The following EXOC6B variants were observed in gnomAD, a reference collection of about 807,000 sequenced individuals.
EXOC6B encodes the protein exocyst complex component 6B, also known as SEC15 homolog B.
Under a neutral mutation model 113.5 loss-of-function variants are expected in EXOC6B, and 54 were observed. The observed-to-expected ratio is 0.48, with a 90% confidence interval of 0.38 to 0.60. EXOC6B has a LOEUF of 0.60. EXOC6B is among the 20% of genes least tolerant of loss of function. The pLI is 0.00. For missense variants in EXOC6B, 797 were observed against 977.5 expected (o/e 0.82, Z 2.46); for synonymous variants, 357 against 339.0 (o/e 1.05, Z -0.58).
chr2:72,496,948 C>CATTATTATTATT (rs57708306), intron 13 of EXOC6B, among the ~76,000 whole-genome samples: 83 of 137,836 alleles, frequency 6.0e-4, no homozygotes, highest in East Asian at 4.3e-3. Flanking sequence ...TATAAATGTA[C>CATTATTATTATT]ATTATTATTA....
chr2:72,679,153 A>G (rs930650301), intron 6 of EXOC6B, among the ~76,000 whole-genome samples: 5 of 151,020 alleles, frequency 3.3e-5, no homozygotes, highest in East Asian at 3.9e-4. Flanking sequence ...TGCAACCTCT[A>G]CCTCCTGGGT....
chr2:72,382,617 C>G (rs971441046), intron 18 of EXOC6B, among the ~76,000 whole-genome samples: 3 of 152,140 alleles, frequency 2.0e-5, no homozygotes, highest in Non-Finnish European at 4.4e-5. Flanking sequence ...TTGCTTTGAG[C>G]AGTATCGCCA....
At position 72,825,698 on chromosome 2, in the gene EXOC6B, C is replaced by G; in HGVS notation, c.113+100G>C. ...GCAGGGTCTCTCCGAAGGGAGGGGC[C>G]GGCGCCGGACCTGGGGACAGCCGGC... is the stretch of plus-strand genomic sequence containing the variant. On this transcript the variant is annotated intron_variant, in intron 1 of 21. Transcript: ENST00000272427. This position sits in a 1 kb window ranked among gnomAD's most constrained non-coding sequence, Gnocchi z 4.4. 2 of 1,344,216 alleles carry G rather than the reference C, an allele frequency of 1.5e-6. No homozygotes were observed. The highest frequency in any genetic ancestry group is 9.7e-7 in the Non-Finnish European group (1 of 1,028,792). 83.3% of individuals were successfully genotyped at this position (1,344,216 alleles called of 1,614,324 possible). A position where few individuals can be genotyped will look rare whatever the true frequency, so the allele number is the denominator to read the frequency against.
intron 16 of EXOC6B, among the ~76,000 whole-genome samples, chr2:72,483,833 G>T (rs1699255797): frequency 6.6e-6 from 1 of 152,158 alleles, no homozygotes. Context: ...GAGCTCCCTT[G>T]ATGATATTTT....
chr2:72,730,490 C>A (rs532903551), intron 5 of EXOC6B, among the ~76,000 whole-genome samples: 12 of 152,046 alleles, frequency 7.9e-5, no homozygotes, highest in Non-Finnish European at 1.6e-4. Context: ...GACTACACTG[C>A]AGCTTTTGCT....
At chr2:72,633,698 G>C (rs865969794) in intron 6 of EXOC6B, among the ~76,000 whole-genome samples, 1 of 152,142 alleles carries the variant, frequency 6.6e-6, no homozygotes, top group Non-Finnish European at 1.5e-5. Context: ...CAGTACCATG[G>C]AGCTGACTCA....
intron 20 of EXOC6B, among the ~76,000 whole-genome samples, chr2:72,213,285 C>G (rs1404275672): frequency 6.6e-6 from 1 of 152,192 alleles, no homozygotes. Context: ...GTAAAACTGC[C>G]TAGCTGAGCC....
intron 6 of EXOC6B, among the ~76,000 whole-genome samples, chr2:72,658,299 A>AAAAAAAAAAAAAAAAAT (rs1674756964): frequency 6.7e-6 from 1 of 148,778 alleles, no homozygotes; most frequent in African/African-American, 2.4e-5. Context: ...AAAAAAAAAA[A>AAAAAAAAAAAAAAAAAT]AAAAAAAAAA....
At chr2:72,349,352 A>C (rs1186718105) in intron 19 of EXOC6B, among the ~76,000 whole-genome samples, 1 of 152,090 alleles carries the variant, frequency 6.6e-6, no homozygotes, top group Non-Finnish European at 1.5e-5. Flanking sequence ...AGTTTATGTT[A>C]ATGAGGTAAC....
intron 18 of EXOC6B, among the ~76,000 whole-genome samples, chr2:72,407,189 C>G (rs1693837928): frequency 6.6e-6 from 1 of 152,078 alleles, no homozygotes; most frequent in African/African-American, 2.4e-5. Flanking sequence ...TCTGAATAGA[C>G]CAATAACAGG....
At chr2:72,300,125 C>T (rs1029907968) in intron 20 of EXOC6B, among the ~76,000 whole-genome samples, 1 of 152,162 alleles carries the variant, frequency 6.6e-6, no homozygotes, top group Non-Finnish European at 1.5e-5. Context: ...TGCCCACAGG[C>T]GCCCCTTCTC....
intron 7 of EXOC6B, among the ~76,000 whole-genome samples, chr2:72,568,389 T>C (rs1006729730): frequency 6.6e-6 from 1 of 152,046 alleles, no homozygotes; most frequent in South Asian, 2.1e-4. Flanking sequence ...TGAAATTTCC[T>C]GATGTAATCA....
intron 20 of EXOC6B, among the ~76,000 whole-genome samples, chr2:72,300,848 G>C (rs921065839): frequency 6.6e-6 from 1 of 152,040 alleles, no homozygotes; most frequent in Non-Finnish European, 1.5e-5. Context: ...ATTACCCTCC[G>C]TGGGCTGCAT....
intron 1 of EXOC6B, among the ~76,000 whole-genome samples, chr2:72,762,237 C>T (rs1355202207): frequency 1.9e-4 from 27 of 140,284 alleles, no homozygotes; most frequent in Admixed American, 1.3e-3. Context: ...AGTGAGACTC[C>T]GTCTCAAAAA....
At chr2:72,440,207 TTG>T (rs1416196179) in intron 18 of EXOC6B, among the ~76,000 whole-genome samples, 3 of 152,134 alleles carry the variant, frequency 2.0e-5, no homozygotes. Context: ...CATAGAGGAA[TTG>T]TGCTGTGCTG....
rs189763580 is a variant in EXOC6B at position 72,215,674 on chromosome 2, C to T, written c.2197-31487G>A. Among the ~76,000 whole-genome samples the T allele has an allele frequency of 2.6e-3, 396 of 152,136 alleles. 1 individual carries two copies. The highest frequency in any genetic ancestry group is 9.3e-3 in the African/African-American group (384 of 41,512). On this transcript the variant is annotated intron_variant, in intron 20 of 21. Coordinates refer to ENST00000272427, the MANE Select transcript of EXOC6B (RefSeq NM_015189.3). ...ATTGTTAACAACTAAAAGCTGAGCG[C>T]GTACCATGAGTACAGAACCTTTGGG...
intron 6 of EXOC6B, among the ~76,000 whole-genome samples, chr2:72,653,917 G>A (rs1384933134): frequency 6.6e-6 from 1 of 151,830 alleles, no homozygotes; most frequent in African/African-American, 2.4e-5. Flanking sequence ...AAGTACACTG[G>A]TTTGGAATAA....
At chr2:72,390,615 C>T (rs186730313) in intron 18 of EXOC6B, among the ~76,000 whole-genome samples, 9 of 152,262 alleles carry the variant, frequency 5.9e-5, no homozygotes, top group Non-Finnish European at 1.5e-5. Flanking sequence ...CTGGTATGCA[C>T]TTTTATGCAG....
rs561654367 is a variant in EXOC6B at position 72,729,531 on chromosome 2, C to A, written c.464+1476G>T. Among the ~76,000 whole-genome samples the A allele has an allele frequency of 1.5e-3, 224 of 151,420 alleles. 1 individual carries two copies. Among genetic ancestry groups the A allele is most frequent in the South Asian group, 2.5e-3 (12 of 4,798 alleles). On this transcript the variant is annotated intron_variant, in intron 5 of 21. Transcript: ENST00000272427. ...ATTCGAGCTATCATGTGAGCCAATT[C>A]TCATGCCTTGGCCTCCCAAGTACCT...
Sources: allele counts gnomAD v4.1 joint callset (sites outside exome capture counted in the v4.1 genomes callset), GRCh38; gene constraint gnomAD v4.1.1; non-coding constraint Gnocchi (gnomAD v3.1); transcripts MANE v1.5; gene names NCBI Gene and HGNC (gene_info 2026-07-23, HGNC 2026-07-21).